ARHGAP35: variants seen among roughly 807,000 people sequenced by gnomAD.
ARHGAP35 encodes rho GTPase-activating protein 35.
In ARHGAP35, 15 loss-of-function variants were observed where a neutral mutation model predicts 111.1. That is an observed-to-expected ratio of 0.13 (90% CI 0.09 to 0.21). The LOEUF (loss-of-function observed/expected upper bound fraction) is 0.21. Ranked by LOEUF, ARHGAP35 falls within the 10% of genes least tolerant of loss-of-function variation. ARHGAP35 has a pLI of 1.00. For synonymous variants in ARHGAP35, 643 were observed against 710.3 expected (o/e 0.91, Z 1.51); for missense variants, 1,262 against 1,873.0 (o/e 0.67, Z 6.02).
chr19:46,983,167 G>T (rs1317682292), intron 3 of ARHGAP35, among the ~76,000 whole-genome samples: 1 of 151,362 alleles, frequency 6.6e-6, no homozygotes, highest in African/African-American at 2.4e-5. Flanking sequence ...GGCCCTCCAG[G>T]TGACTCTGCT....
intron 2 of ARHGAP35, among the ~76,000 whole-genome samples, chr19:46,929,944 T>C (rs1406253712): frequency 1.3e-5 from 2 of 151,380 alleles, no homozygotes; most frequent in African/African-American, 4.8e-5. Flanking sequence ...AAAAATTTTT[T>C]AAAAGTTGGG....
At chr19:46,982,087 A>G (rs372731425) in intron 3 of ARHGAP35, among the ~76,000 whole-genome samples, 9 of 152,012 alleles carry the variant, frequency 5.9e-5, no homozygotes, top group South Asian at 2.1e-4. Flanking sequence ...GGCTCAAGCA[A>G]TCCTCCCGCC....
At chr19:46,912,197 C>T (rs1192632333) in intron 1 of ARHGAP35, among the ~76,000 whole-genome samples, 2 of 151,878 alleles carry the variant, frequency 1.3e-5, no homozygotes, top group East Asian at 3.9e-4. Flanking sequence ...GCGCCCACCA[C>T]CATGCCTGGC....
At chr19:46,880,357 A>C (rs913808302) in intron 1 of ARHGAP35, among the ~76,000 whole-genome samples, 1 of 151,174 alleles carries the variant, frequency 6.6e-6, no homozygotes, top group African/African-American at 2.4e-5. Context: ...GCTTGAACCC[A>C]GGAGGCGGAA....
chr19:46,923,146 C>T (rs1263563920), intron 2 of ARHGAP35, among the ~76,000 whole-genome samples: 2 of 150,316 alleles, frequency 1.3e-5, no homozygotes, highest in Non-Finnish European at 3.0e-5. Flanking sequence ...GCTCAGTCAC[C>T]CACGCTAGAG....
Position 46,967,042 on chromosome 19 carries a change from G to A in ARHGAP35, c.3827-20947G>A, listed in dbSNP as rs563410681. 3.0e-4 allele frequency among the ~76,000 whole-genome samples: 45 copies of A among 152,024 alleles called. 1 individual carries two copies. The highest frequency in any genetic ancestry group is 9.4e-4 in the African/African-American group (39 of 41,346). On this transcript the variant is annotated intron_variant, in intron 3 of 6. Transcript: ENST00000672722. ...AGAGGTGAGAGGCCGTGCTGACCAC[G>A]TAGCCATATTGCCCTAAAATCCTTT...
In ARHGAP35 at chr19:46,919,313, C is replaced by T. The variant is rs2056182649; in HGVS notation, c.638C>T (p.Ala213Val). The T allele has an allele frequency of 3.1e-6, 5 of 1,613,884 alleles. No individual in the cohort carries two copies. In the South Asian group the frequency reaches 4.4e-5, roughly 14 times the overall value. Residue 213 changes from alanine (A) to valine (V), a missense_variant, in exon 2 of 7, where the codon GCA becomes GTA. Ala to Val is a moderately conservative substitution (Grantham distance 64). Coordinates refer to ENST00000672722, the MANE Select transcript of ARHGAP35 (RefSeq NM_004491.5). This position sits in a 1 kb window ranked among gnomAD's most constrained non-coding sequence, Gnocchi z 6.2. The part of the protein sequence containing the change: ...DEGVERYIRD[A>V]HTFALSKKNL... ...GGTGTTGAGCGGTACATTAGAGATG[C>T]ACATACTTTTGCCTTAAGCAAAAAG...
chr19:46,865,551 G>A (rs2055851066), intron 1 of ARHGAP35, among the ~76,000 whole-genome samples: 1 of 152,144 alleles, frequency 6.6e-6, no homozygotes, highest in African/African-American at 2.4e-5. Flanking sequence ...GTGACTTTTG[G>A]CAAAGGACAC....
chr19:46,864,072 G>GC (rs1260668276), intron 1 of ARHGAP35, among the ~76,000 whole-genome samples: 1 of 152,246 alleles, frequency 6.6e-6, no homozygotes, highest in Non-Finnish European at 1.5e-5. Context: ...CTCTTTGCCT[G>GC]CCGTACAAGG....
At chr19:46,953,315 A>T (rs1216610994) in intron 3 of ARHGAP35, among the ~76,000 whole-genome samples, 2 of 152,160 alleles carry the variant, frequency 1.3e-5, no homozygotes, top group Non-Finnish European at 2.9e-5. Flanking sequence ...AACATTTTAG[A>T]TAAGGAGGGC....
intron 3 of ARHGAP35, among the ~76,000 whole-genome samples, chr19:46,981,783 G>A (rs1004571376): frequency 2.0e-5 from 3 of 152,154 alleles, no homozygotes; most frequent in East Asian, 1.9e-4. Flanking sequence ...AGCTCTCACC[G>A]GAGGGCCGTC....
chr19:46,928,124 C>T (rs1008902532), intron 2 of ARHGAP35, among the ~76,000 whole-genome samples: 6 of 152,046 alleles, frequency 3.9e-5, no homozygotes, highest in East Asian at 1.9e-4. Flanking sequence ...TGGTGTCACT[C>T]GATTCTCAGT....
intron 1 of ARHGAP35, among the ~76,000 whole-genome samples, chr19:46,905,898 C>G (rs1568464277): frequency 6.6e-6 from 1 of 151,516 alleles, no homozygotes; most frequent in Admixed American, 6.6e-5. Context: ...CTTGGCCAGG[C>G]TGGTCTTGAA....
At chr19:46,870,831 TTTAAG>T (rs1268276651) in intron 1 of ARHGAP35, among the ~76,000 whole-genome samples, 2 of 152,146 alleles carry the variant, frequency 1.3e-5, no homozygotes, top group Admixed American at 6.5e-5. Context: ...CAAATCCCCT[TTTAAG>T]TTTTTTCTTA....
intron 1 of ARHGAP35, among the ~76,000 whole-genome samples, chr19:46,873,802 G>T (rs1362199555): frequency 6.7e-6 from 1 of 149,488 alleles, no homozygotes; most frequent in East Asian, 2.0e-4. Flanking sequence ...AGGCTGGCGT[G>T]CAGTGGCACG....
At position 47,004,805 on chromosome 19, in the gene ARHGAP35, G is replaced by A. The variant is rs1272889123; in HGVS notation, c.*4117G>A. ...TTTTAGGGGCTTTAACCGGAACATC[G>A]TCTAGCTGGTGTTAGGAATGTTTGC... On this transcript the variant is annotated 3_prime_UTR_variant, in exon 7 of 7. Coordinates refer to ENST00000672722, the MANE Select transcript of ARHGAP35 (RefSeq NM_004491.5). The A allele has an allele frequency of 2.6e-5, 4 of 152,186 alleles. No homozygotes were observed. The highest frequency in any genetic ancestry group is 5.9e-5 in the Non-Finnish European group (4 of 68,042). The allele number at this position is 152,186 out of a possible 1,614,324, so 9.4% of individuals were successfully genotyped here.
At chr19:46,890,294 T>G (rs1185104766) in intron 1 of ARHGAP35, among the ~76,000 whole-genome samples, 1 of 152,230 alleles carries the variant, frequency 6.6e-6, no homozygotes, top group Non-Finnish European at 1.5e-5. Context: ...ATTATGGCTC[T>G]TAAATCTTCA....
chr19:46,973,946 A>C (rs1435074159), intron 3 of ARHGAP35, among the ~76,000 whole-genome samples: 1 of 151,908 alleles, frequency 6.6e-6, no homozygotes, highest in Non-Finnish European at 1.5e-5. Flanking sequence ...CAGTGAGCCA[A>C]GATTGCGCCA....
intron 1 of ARHGAP35, among the ~76,000 whole-genome samples, chr19:46,870,860 T>C (rs1468324128): frequency 1.3e-5 from 2 of 152,198 alleles, no homozygotes; most frequent in Admixed American, 6.5e-5. Context: ...AAAAATAAGG[T>C]ATAATCTACA....
Sources: allele counts gnomAD v4.1 joint callset (sites outside exome capture counted in the v4.1 genomes callset), GRCh38; gene constraint gnomAD v4.1.1; non-coding constraint Gnocchi (gnomAD v3.1); transcripts MANE v1.5; gene names NCBI Gene and HGNC (gene_info 2026-07-23, HGNC 2026-07-21).